Variants in FNDC1 observed in about 807,000 individuals in gnomAD.
FNDC1 encodes fibronectin type III domain-containing protein 1.
In FNDC1, 96 loss-of-function variants were observed where a neutral mutation model predicts 168.0. The ratio of observed to expected loss-of-function variants is 0.57; its 90% CI spans 0.48 to 0.68. The LOEUF is 0.68. Ranked by LOEUF, FNDC1 falls within the 30% of genes least tolerant of loss-of-function variation. FNDC1 has a pLI of 0.00. For synonymous variants in FNDC1, 1,099 were observed against 1,025.9 expected (o/e 1.07, Z -1.36); for missense variants, 2,587 against 2,482.1 (o/e 1.04, Z -0.90).
intron 6 of FNDC1, among the ~76,000 whole-genome samples, chr6:159,223,197 T>C (rs569896876): frequency 0.013 from 2,016 of 151,790 alleles, 52 homozygotes; most frequent in African/African-American, 0.045. Flanking sequence ...GGGGTTTCAC[T>C]GTGTTAGCCA....
intron 1 of FNDC1, among the ~76,000 whole-genome samples, chr6:159,186,713 T>C (rs1426921904): frequency 1.3e-5 from 2 of 152,144 alleles, no homozygotes; most frequent in Non-Finnish European, 2.9e-5. Context: ...AGGTGGAAAG[T>C]GCTCACACAG....
chr6:159,234,022 G>C lies in FNDC1; in HGVS notation c.3510G>C (p.Lys1170Asn), dbSNP rs774534262. The C allele has an allele frequency of 6.2e-7, 1 of 1,610,608 alleles. No individual in the cohort carries two copies. Among genetic ancestry groups the C allele is most frequent in the Non-Finnish European group, 8.5e-7 (1 of 1,178,904 alleles). The change falls in exon 11 of 23, where the codon AAG becomes AAC. Residue 1170 changes from lysine (K) to asparagine (N), a missense_variant. Physicochemically the swap from Lys to Asn is moderately conservative, Grantham distance 94 (BLOSUM62 0). Coordinates refer to ENST00000297267, the MANE Select transcript of FNDC1 (RefSeq NM_032532.3). ...EPPSKRPLSS[K>N]SQQSVSAEDD... is the part of the protein sequence containing the mutation. The stretch of plus-strand genomic sequence containing the variant: ...CTTCCAAGCGGCCCCTGTCCTCCAA[G>C]TCCCAGCAGTCGGTCTCAGCCGAGG...
At chr6:159,229,771 T>C in intron 9 of FNDC1, 44 bp from the exon 10 acceptor site, 1 of 1,559,808 alleles carries the variant, frequency 6.4e-7, no homozygotes, top group Non-Finnish European at 8.8e-7. Context: ...GACACAGGAC[T>C]GTTTTCAGTT....
chr6:159,247,967 G>A (rs1310951800), intron 15 of FNDC1, among the ~76,000 whole-genome samples: 1 of 152,110 alleles, frequency 6.6e-6, no homozygotes, highest in Non-Finnish European at 1.5e-5. Context: ...CACTTTTGAG[G>A]TCCACCTTTT....
At chr6:159,194,110 C>T (rs952050293) in intron 1 of FNDC1, among the ~76,000 whole-genome samples, 1 of 152,200 alleles carries the variant, frequency 6.6e-6, no homozygotes, top group African/African-American at 2.4e-5. Context: ...CCATCTGTCT[C>T]CACTCAAAGA....
At chr6:159,201,366 A>C (rs1279412282) in intron 4 of FNDC1, among the ~76,000 whole-genome samples, 1 of 152,206 alleles carries the variant, frequency 6.6e-6, no homozygotes, top group Non-Finnish European at 1.5e-5. Flanking sequence ...TTGATAGTGT[A>C]GGTGGTCTTC....
At chr6:159,234,504 T>C (rs1278690580) in intron 11 of FNDC1, 25 bp downstream of exon 11, 1 of 1,609,190 alleles carries the variant, frequency 6.2e-7, no homozygotes, top group South Asian at 1.1e-5. Flanking sequence ...CAAACAGTCT[T>C]TCTTTAAGGT....
Position 159,271,430 on chromosome 6 carries a change from T to C in FNDC1, c.5673T>C (p.Pro1891=), listed in dbSNP as rs1056781204. The C allele has an allele frequency of 1.7e-5, 27 of 1,607,962 alleles. No individual in the cohort carries two copies. The highest frequency in any genetic ancestry group is 2.2e-5 in the South Asian group (2 of 89,576). ...GGTACGAGTGTGGGGTCTCCATCCC[T>C]GGAAAGTGGTAATCACAGGACCGTC... The part of the protein sequence containing the change: ...VGWYECGVSI[P]GKW Residue 1891 remains proline, a synonymous_variant, in exon 23 of 23, where the codon CCT becomes CCC. Transcript: ENST00000297267.
At position 159,261,465 on chromosome 6, in the gene FNDC1, CG is replaced by C. The variant is rs1483425392; in HGVS notation, c.5254+199del. 1.6e-4 allele frequency among the ~76,000 whole-genome samples: 25 copies of C among 152,218 alleles called. 1 individual carries two copies. The highest frequency in any genetic ancestry group is 3.4e-3 in the Middle Eastern group (1 of 294). On this transcript the variant is annotated intron_variant, in intron 19 of 22. Coordinates refer to ENST00000297267, the MANE Select transcript of FNDC1 (RefSeq NM_032532.3). ...ATAATAAAATTAAAAGTAGTTTTCA[CG>C]GGCTCTCTGAAGAACAGAAAGGTCA...
At chr6:159,173,496 T>C (rs1781703952) in intron 1 of FNDC1, among the ~76,000 whole-genome samples, 1 of 152,198 alleles carries the variant, frequency 6.6e-6, no homozygotes, top group Admixed American at 6.5e-5. Flanking sequence ...GATCATGAAA[T>C]TTATTCCTGT....
In FNDC1 at chr6:159,197,513, T is replaced by A; in HGVS notation, c.192T>A (p.Asp64Glu). The part of the protein sequence containing the change: ...GLKVTWDPPK[D>E]ATSRPVEHYN... ...AAGTCACGTGGGACCCACCCAAAGATGCTACCAGTAGACCTGTGGAGCATT... is the reference window on the plus strand; with the variant it reads ...AAGTCACGTGGGACCCACCCAAAGAAGCTACCAGTAGACCTGTGGAGCATT... The change falls in exon 2 of 23, where the codon GAT becomes GAA. Residue 64 changes from aspartate to glutamate, a missense_variant. Physicochemically the swap from Asp to Glu is conservative, Grantham distance 45. Coordinates refer to ENST00000297267, the MANE Select transcript of FNDC1 (RefSeq NM_032532.3). The A allele has an allele frequency of 6.2e-7, 1 of 1,614,016 alleles. No individual in the cohort carries two copies. The highest frequency in any genetic ancestry group is 8.5e-7 in the Non-Finnish European group (1 of 1,179,880).
chr6:159,263,565 A>G (rs1562313266), intron 19 of FNDC1, among the ~76,000 whole-genome samples: 1 of 152,166 alleles, frequency 6.6e-6, no homozygotes, highest in Non-Finnish European at 1.5e-5. Flanking sequence ...GATCGAGACC[A>G]TCCTGGCTAA....
intron 14 of FNDC1, 65 bp downstream of exon 14, chr6:159,240,022 G>C: frequency 7.1e-7 from 1 of 1,406,436 alleles, no homozygotes; most frequent in Non-Finnish European, 9.4e-7. Flanking sequence ...ACTCAGAGCA[G>C]GGTGGCAGAG....
chr6:159,224,702 A>G (rs1782915492), intron 7 of FNDC1, among the ~76,000 whole-genome samples: 1 of 152,194 alleles, frequency 6.6e-6, no homozygotes, highest in African/African-American at 2.4e-5. Flanking sequence ...TTCTTAGCAG[A>G]ACTGTTGTGT....
chr6:159,179,833 T>C (rs1055686361), intron 1 of FNDC1, among the ~76,000 whole-genome samples: 2 of 152,190 alleles, frequency 1.3e-5, no homozygotes, highest in Non-Finnish European at 2.9e-5. Context: ...TGGTATTAGT[T>C]ACATATGATA....
chr6:159,192,170 G>A (rs1274304835), intron 1 of FNDC1, among the ~76,000 whole-genome samples: 1 of 152,038 alleles, frequency 6.6e-6, no homozygotes, highest in Non-Finnish European at 1.5e-5. Flanking sequence ...GAGCCACCAC[G>A]CTCAGCCATG....
intron 4 of FNDC1, among the ~76,000 whole-genome samples, chr6:159,201,948 AGT>A (rs1384532894): frequency 1.3e-5 from 2 of 152,240 alleles, no homozygotes; most frequent in Non-Finnish European, 2.9e-5. Context: ...CCTCTTTAAT[AGT>A]GTGTGTGCAC....
At position 159,248,565 on chromosome 6, in the gene FNDC1, A is replaced by G. The variant is rs1777186553; in HGVS notation, c.4691-474A>G. 2.0e-5 allele frequency among the ~76,000 whole-genome samples: 3 copies of G among 152,156 alleles called. No individual in the cohort carries two copies. In the South Asian group the frequency reaches 6.2e-4, roughly 32 times the overall value. On this transcript the variant is annotated intron_variant, in intron 15 of 22. Coordinates refer to ENST00000297267, the MANE Select transcript of FNDC1 (RefSeq NM_032532.3). Reference sequence around the variant, plus strand: ...GTGATCCGCCTGCCTCGGCCTCCCAAAGTGCTGGGATTACAGGTGTGAGCC... The same window carrying G: ...GTGATCCGCCTGCCTCGGCCTCCCAGAGTGCTGGGATTACAGGTGTGAGCC...
chr6:159,183,757 G>A (rs1781931504), intron 1 of FNDC1, among the ~76,000 whole-genome samples: 3 of 152,210 alleles, frequency 2.0e-5, no homozygotes, highest in African/African-American at 7.2e-5. Flanking sequence ...GAGGACCTGA[G>A]AAGACTTGCT....
Sources: gnomAD v4.1 joint callset for allele counts (sites outside exome capture counted in the v4.1 genomes callset) on GRCh38, gnomAD v4.1.1 for gene constraint, MANE v1.5 for transcripts, NCBI Gene and HGNC (gene_info 2026-07-23, HGNC 2026-07-21) for gene names.